Variants in RANBP2 observed in about 807,000 individuals in gnomAD.
RANBP2 encodes the protein RAN binding protein 2, also known as E3 SUMO-protein ligase RanBP2.
In RANBP2, 57 loss-of-function variants were observed where a neutral mutation model predicts 303.6. That is an observed-to-expected ratio of 0.19 (90% CI 0.15 to 0.23). RANBP2 has a LOEUF of 0.23. Among genes scored for constraint, RANBP2 ranks in the 10% least tolerant of loss-of-function variants. The probability of loss-of-function intolerance (pLI) is 1.00; values close to 1 mark genes in which losing one functional copy is unlikely to be tolerated. For missense variants in RANBP2, 3,138 were observed against 3,780.8 expected (o/e 0.83, Z 4.46); for synonymous variants, 1,167 against 1,301.5 (o/e 0.90, Z 2.23).
chr2:109,393,383 G>A, the RANBP2 span, among the ~76,000 whole-genome samples: 2 of 152,212 alleles, frequency 1.3e-5, no homozygotes, highest in African/African-American at 4.8e-5. Flanking sequence ...CGTCTCTTGG[G>A]AGCTGGCAGA....
At position 108,780,438 on chromosome 2, in the gene RANBP2, C is replaced by G. The variant is rs949120015; in HGVS notation, c.8600-831C>G. 5.4e-5 allele frequency among the ~76,000 whole-genome samples: 8 copies of G among 147,878 alleles called. No homozygotes were observed. In the East Asian group the frequency reaches 1.2e-3, roughly 22 times the overall value. ...GGAGTGCAGTGGGGCGGTATCTGAT[C>G]ACTGCAACCTCTGCCTCTCAAGTTA... On this transcript the variant is annotated intron_variant, in intron 25 of 28. Transcript: ENST00000283195.
the RANBP2 span, among the ~76,000 whole-genome samples, chr2:109,474,970 TTTGTTTGTTTG>T: frequency 6.9e-6 from 1 of 145,334 alleles, no homozygotes; most frequent in Non-Finnish European, 1.6e-5. Flanking sequence ...TTGGGTTTTT[TTTGTTTGTTTG>T]TTTGTTTGTT....
At chr2:109,673,927 G>A in the RANBP2 span, among the ~76,000 whole-genome samples, 1 of 152,216 alleles carries the variant, frequency 6.6e-6, no homozygotes. Context: ...ATAGCTTCTA[G>A]TGGTTTTAAT....
the RANBP2 span, among the ~76,000 whole-genome samples, chr2:108,888,713 C>T: frequency 6.6e-6 from 1 of 151,828 alleles, no homozygotes; most frequent in Non-Finnish European, 1.5e-5. Flanking sequence ...ATTAATTTAG[C>T]TAACCGTGTA....
the RANBP2 span, among the ~76,000 whole-genome samples, chr2:109,535,398 C>A: frequency 6.6e-6 from 1 of 152,306 alleles, no homozygotes; most frequent in African/African-American, 2.4e-5. Flanking sequence ...CTATGCCTCC[C>A]ATGGAATGCA....
rs115533797 is a variant in RANBP2 at position 108,776,797 on chromosome 2, C to T, written c.8498-333C>T. 9.7e-3 allele frequency among the ~76,000 whole-genome samples: 1,482 copies of T among 152,272 alleles called. 33 individuals are homozygous for T. The highest frequency in any genetic ancestry group is 0.034 in the African/African-American group (1,429 of 41,560). On this transcript the variant is annotated intron_variant, in intron 24 of 28. Coordinates refer to ENST00000283195, the MANE Select transcript of RANBP2 (RefSeq NM_006267.5). The stretch of plus-strand genomic sequence containing the variant: ...ATGTTTCCTAAAACCCTGCCTTTGA[C>T]TGAATGCTTGCTTTAGAGTATAGTA...
At chr2:109,082,820 C>G in the RANBP2 span, among the ~76,000 whole-genome samples, 1 of 140,930 alleles carries the variant, frequency 7.1e-6, no homozygotes, top group Admixed American at 7.1e-5. Flanking sequence ...ATCAAGACCC[C>G]ATGTCTTTTT....
intron 7 of RANBP2, among the ~76,000 whole-genome samples, chr2:108,743,428 C>T (rs1327614091): frequency 6.6e-6 from 1 of 152,146 alleles, no homozygotes; most frequent in African/African-American, 2.4e-5. Flanking sequence ...TGCCTGCCAC[C>T]ATGCCTGGCT....
the RANBP2 span, among the ~76,000 whole-genome samples, chr2:109,009,702 C>CTTTTTTT: frequency 4.1e-5 from 5 of 123,124 alleles, 1 homozygote; most frequent in Non-Finnish European, 6.7e-5. Flanking sequence ...ACATTTTTAC[C>CTTTTTTT]TTTTTTTTGT....
chr2:108,943,805 C>CCT, the RANBP2 span, among the ~76,000 whole-genome samples: 1 of 152,114 alleles, frequency 6.6e-6, no homozygotes, highest in East Asian at 1.9e-4. Context: ...CCGCAGCACA[C>CCT]CTCAGGCTGG....
chr2:109,416,359 C>G, the RANBP2 span, among the ~76,000 whole-genome samples: 4 of 152,012 alleles, frequency 2.6e-5, no homozygotes, highest in East Asian at 7.9e-4. Flanking sequence ...CTTTGGGAGG[C>G]TGAGGAGGGC....
the RANBP2 span, among the ~76,000 whole-genome samples, chr2:108,811,247 C>CTTTTTTTTTTTTTTTT: frequency 3.5e-5 from 4 of 113,938 alleles, no homozygotes; most frequent in African/African-American, 1.5e-4. Context: ...TTCTCTCTCT[C>CTTTTTTTTTTTTTTTT]TTTTTTTTTT....
At chr2:109,681,576 G>C in the RANBP2 span, among the ~76,000 whole-genome samples, 1 of 152,218 alleles carries the variant, frequency 6.6e-6, no homozygotes, top group Non-Finnish European at 1.5e-5. Context: ...ATTTTTAAAA[G>C]GCTAAGCACA....
chr2:109,094,996 G>A, the RANBP2 span, among the ~76,000 whole-genome samples: 1 of 152,184 alleles, frequency 6.6e-6, no homozygotes, highest in Non-Finnish European at 1.5e-5. Flanking sequence ...AAAATAAAAT[G>A]TCTTCGAAAT....
At chr2:109,529,765 TG>T in the RANBP2 span, among the ~76,000 whole-genome samples, 1 of 152,068 alleles carries the variant, frequency 6.6e-6, no homozygotes, top group South Asian at 2.1e-4. Flanking sequence ...GTCACAACCC[TG>T]GGGCTCAACC....
chr2:109,690,715 A>G, the RANBP2 span, among the ~76,000 whole-genome samples: 1 of 150,226 alleles, frequency 6.7e-6, no homozygotes, highest in African/African-American at 2.4e-5. Flanking sequence ...GTTCACCATC[A>G]GTAAGCTCCT....
chr2:109,397,940 G>C, the RANBP2 span, among the ~76,000 whole-genome samples: 1 of 152,208 alleles, frequency 6.6e-6, no homozygotes, highest in Non-Finnish European at 1.5e-5. Flanking sequence ...GGAAGGAGTC[G>C]TGTCCTGAGA....
Position 108,766,322 on chromosome 2 carries a change from G to C in RANBP2, c.5783G>C (p.Ser1928Thr), listed in dbSNP as rs758567002. 1 of 1,612,018 alleles carries C rather than the reference G, an allele frequency of 6.2e-7. No individual in the cohort carries two copies. The highest frequency in any genetic ancestry group is 1.1e-5 in the South Asian group (1 of 90,992). Residue 1928 changes from serine to threonine, a missense_variant, in exon 20 of 29, where the codon AGT becomes ACT. Physicochemically the swap from Ser to Thr is moderately conservative, Grantham distance 58. Transcript: ENST00000283195. ...ACTGGCTTCCAGGCTCAGGATATTA[G>C]TGGCCAGAAGAATGGCCGTGGTGTG... ...NGTGFQAQDI[S>T]GQKNGRGVIF... is the part of the protein sequence containing the mutation.
chr2:109,355,746 C>T, the RANBP2 span, among the ~76,000 whole-genome samples: 14 of 152,176 alleles, frequency 9.2e-5, no homozygotes, highest in African/African-American at 1.4e-4. Flanking sequence ...CAACTTAACA[C>T]GCAGGTCCAT....
Sources: allele counts gnomAD v4.1 joint callset (sites outside exome capture counted in the v4.1 genomes callset), GRCh38; gene constraint gnomAD v4.1.1; transcripts MANE v1.5; gene names NCBI Gene and HGNC (gene_info 2026-07-23, HGNC 2026-07-21).